Variants in ICA1 observed in about 807,000 individuals in gnomAD.
ICA1 encodes islet cell autoantigen 1, also known as 69 kDa islet cell autoantigen.
Under a neutral mutation model 71.0 loss-of-function variants are expected in ICA1, and 40 were observed. The ratio of observed to expected loss-of-function variants is 0.56; its 90% CI spans 0.44 to 0.73. The LOEUF is 0.73. ICA1 is among the 30% of genes least tolerant of loss of function. The pLI is 0.00. For synonymous variants in ICA1, 207 were observed against 209.5 expected, an observed-to-expected ratio of 0.99 and a Z score of 0.10; for missense variants, 578 against 576.5, an observed-to-expected ratio of 1.00 and a Z score of -0.03.
chr7:8,148,028 G>A (rs1342594509), intron 8 of ICA1, among the ~76,000 whole-genome samples: 2 of 152,100 alleles, frequency 1.3e-5, no homozygotes, highest in Non-Finnish European at 2.9e-5. Context: ...GTGTGTGTCG[G>A]TGCGACCTGC....
intron 6 of ICA1, among the ~76,000 whole-genome samples, chr7:8,215,734 A>G (rs933154910): frequency 3.3e-5 from 5 of 152,234 alleles, no homozygotes; most frequent in African/African-American, 1.2e-4. Flanking sequence ...TGAACTCAAA[A>G]AAGAGAATTT....
At chr7:8,239,179 A>G (rs1020526941) in intron 1 of ICA1, among the ~76,000 whole-genome samples, 1 of 152,246 alleles carries the variant, frequency 6.6e-6, no homozygotes, top group African/African-American at 2.4e-5. Context: ...CTAACTCTAC[A>G]TACCAGAGAC....
At chr7:8,117,523 T>C (rs1785171008) in intron 13 of ICA1, among the ~76,000 whole-genome samples, 1 of 152,210 alleles carries the variant, frequency 6.6e-6, no homozygotes, top group South Asian at 2.1e-4. Context: ...ACCTTCTCAA[T>C]GAGACAAGGA....
Position 8,125,230 on chromosome 7 carries a change from G to C in ICA1, c.1330+2643C>G, listed in dbSNP as rs78979574. Among the ~76,000 whole-genome samples, 1,693 of 152,194 alleles carry C rather than the reference G, an allele frequency of 0.011. 51 individuals carry two copies. In the South Asian group the frequency reaches 0.11, roughly 10 times the overall value. On this transcript the variant is annotated intron_variant, in intron 13 of 13. Coordinates refer to ENST00000402384, the MANE Select transcript of ICA1 (RefSeq NM_001136020.3). ...CCTGTGATGGCTCCCAATTTTACTTGGGCTGAAAAAAGGTCTAAGTTCTTC... is the reference window on the plus strand; with the variant it reads ...CCTGTGATGGCTCCCAATTTTACTTCGGCTGAAAAAAGGTCTAAGTTCTTC...
At chr7:8,199,603 A>T (rs1788857242) in intron 6 of ICA1, among the ~76,000 whole-genome samples, 1 of 152,150 alleles carries the variant, frequency 6.6e-6, no homozygotes, top group Non-Finnish European at 1.5e-5. Flanking sequence ...AATCCCAGCT[A>T]CTCAGGAGGC....
chr7:8,212,976 G>A (rs1430941486), intron 6 of ICA1, among the ~76,000 whole-genome samples: 1 of 152,162 alleles, frequency 6.6e-6, no homozygotes, highest in Non-Finnish European at 1.5e-5. Flanking sequence ...CTTCCAAGTT[G>A]TGCCATGTGA....
rs891011966 is a variant in ICA1 at position 8,226,489 on chromosome 7, T to C, written c.256+2112A>G. ...AGGATAGCATACTATAGATACGCTT[T>C]TATGTTTTGCTTCTTTCACTTAAAA... On this transcript the variant is annotated intron_variant, in intron 4 of 13. Coordinates refer to ENST00000402384, the MANE Select transcript of ICA1 (RefSeq NM_001136020.3). The surrounding 1 kb of genome is among the most constrained non-coding windows in gnomAD (Gnocchi z 4.4). Among the ~76,000 whole-genome samples, 3 of 152,240 alleles carry C rather than the reference T, an allele frequency of 2.0e-5. No homozygotes were observed. The highest frequency in any genetic ancestry group is 7.2e-5 in the African/African-American group (3 of 41,454).
chr7:8,240,796 T>G (rs970570826), intron 1 of ICA1, among the ~76,000 whole-genome samples: 4 of 151,792 alleles, frequency 2.6e-5, no homozygotes, highest in African/African-American at 9.7e-5. Flanking sequence ...TTCAATCAAG[T>G]GGAAGAAAGG....
chr7:8,215,763 A>T (rs1795209332), intron 6 of ICA1, among the ~76,000 whole-genome samples: 1 of 152,248 alleles, frequency 6.6e-6, no homozygotes, highest in Admixed American at 6.5e-5. Flanking sequence ...ATACTACTTT[A>T]GCTCAGGATT....
At chr7:8,114,151 C>G in intron 13 of ICA1, 107 bp from the exon 14 acceptor site, 1 of 1,228,660 alleles carries the variant, frequency 8.1e-7, no homozygotes, top group Non-Finnish European at 1.2e-6. Context: ...ATTGTTCAAT[C>G]AGACAAATCC....
chr7:8,159,887 T>C (rs2128201790), intron 6 of ICA1, among the ~76,000 whole-genome samples: 1 of 152,332 alleles, frequency 6.6e-6, no homozygotes, highest in Middle Eastern at 3.4e-3. Context: ...ATATTCAGTG[T>C]ATTCAGTGTG....
At chr7:8,227,526 C>T in intron 4 of ICA1, 1 of 243,386 alleles carries the variant, frequency 4.1e-6, no homozygotes, top group South Asian at 4.2e-5. Flanking sequence ...ACCTCAAACA[C>T]TTAGGAAATA....
chr7:8,139,721 A>G (rs993807674), intron 10 of ICA1, among the ~76,000 whole-genome samples: 4 of 152,226 alleles, frequency 2.6e-5, no homozygotes, highest in African/African-American at 9.7e-5. Context: ...CAAATATACC[A>G]CCTGGTGTAG....
intron 6 of ICA1, among the ~76,000 whole-genome samples, chr7:8,159,798 C>A (rs1228552154): frequency 6.6e-6 from 1 of 152,168 alleles, no homozygotes; most frequent in Non-Finnish European, 1.5e-5. Context: ...GTCAACACAG[C>A]ATATTTTGGC....
chr7:8,201,739 G>A (rs949845992), intron 6 of ICA1, among the ~76,000 whole-genome samples: 4 of 152,250 alleles, frequency 2.6e-5, no homozygotes, highest in Non-Finnish European at 4.4e-5. Flanking sequence ...AGGTGGCTGA[G>A]GGTGCTGGCC....
intron 1 of ICA1, among the ~76,000 whole-genome samples, chr7:8,256,525 G>C (rs572987419): frequency 1.3e-5 from 2 of 152,068 alleles, no homozygotes; most frequent in African/African-American, 4.8e-5. Context: ...GCCTAACTTA[G>C]AATTTACATC....
intron 6 of ICA1, among the ~76,000 whole-genome samples, chr7:8,211,452 C>T (rs1396285428): frequency 6.6e-6 from 1 of 152,130 alleles, no homozygotes; most frequent in Non-Finnish European, 1.5e-5. Flanking sequence ...AATGGATCTT[C>T]TGGTTTGTAG....
rs542252486 is a variant in ICA1 at position 8,130,342 on chromosome 7, T to C, written c.1061-2200A>G. Among the ~76,000 whole-genome samples, 2 of 152,342 alleles carry C rather than the reference T, an allele frequency of 1.3e-5. No homozygotes were observed. Among genetic ancestry groups the C allele is most frequent in the East Asian group, 3.9e-4 (2 of 5,174 alleles). The stretch of plus-strand genomic sequence containing the variant: ...AGGTCAGGCAGGTGGCCCACCTCTG[T>C]GGATGAAGGCAGGAGCTGAAGGAAA... On this transcript the variant is annotated intron_variant, in intron 12 of 13. Coordinates refer to ENST00000402384, the MANE Select transcript of ICA1 (RefSeq NM_001136020.3). This position sits in a 1 kb window ranked among gnomAD's most constrained non-coding sequence, Gnocchi z 4.2.
chr7:8,167,030 T>C (rs1584812445), intron 6 of ICA1, among the ~76,000 whole-genome samples: 1 of 152,206 alleles, frequency 6.6e-6, no homozygotes, highest in South Asian at 2.1e-4. Context: ...CTGGTGGGAA[T>C]GTAAATTAGT....
Sources: gnomAD v4.1 joint callset for allele counts (sites outside exome capture counted in the v4.1 genomes callset) on GRCh38, gnomAD v4.1.1 for gene constraint, Gnocchi (gnomAD v3.1) non-coding constraint, MANE v1.5 for transcripts, NCBI Gene and HGNC (gene_info 2026-07-23, HGNC 2026-07-21) for gene names.